Variants in PRKN observed in about 807,000 individuals in gnomAD.
The protein encoded by PRKN is parkin RBR E3 ubiquitin protein ligase.
A neutral mutation model predicts 59.5 loss-of-function variants in PRKN; 56 were observed. The ratio of observed to expected loss-of-function variants is 0.94; its 90% CI spans 0.76 to 1.18. PRKN has a LOEUF of 1.18. Among genes scored for constraint, PRKN ranks in the 50% most tolerant of loss-of-function variants. The probability of loss-of-function intolerance (pLI) is 0.00; values close to 1 mark genes in which losing one functional copy is unlikely to be tolerated. For synonymous variants in PRKN, 250 were observed against 222.1 expected (o/e 1.13, Z -1.12); for missense variants, 657 against 596.4 (o/e 1.10, Z -1.06).
Position 161,973,409 on chromosome 6 carries a change from G to A in PRKN, c.627C>T (p.Phe209=), listed in dbSNP as rs1378344686. 1.9e-6 allele frequency: 3 copies of A among 1,601,300 alleles called. No individual in the cohort carries two copies. In the South Asian group the frequency reaches 3.3e-5, roughly 18 times the overall value. The change falls in exon 6 of 12, where the codon TTC becomes TTT. Residue 209 remains phenylalanine, a synonymous_variant. Coordinates refer to ENST00000366898, the MANE Select transcript of PRKN (RefSeq NM_004562.3). Reference sequence around the variant, plus strand: ...AGGTGGGGTGTGCTCCACATTTAAAGAAAAATTCCTGAAAGAAAGATAAAT... The same window carrying A: ...AGGTGGGGTGTGCTCCACATTTAAAAAAAAATTCCTGAAAGAAAGATAAAT... ...PHCPGTSAEF[F]FKCGAHPTSD...
At chr6:162,531,057 CAAAAAA>C (rs1171548218) in intron 1 of PRKN, among the ~76,000 whole-genome samples, 2 of 79,902 alleles carry the variant, frequency 2.5e-5, no homozygotes, top group Non-Finnish European at 4.5e-5. Flanking sequence ...ACTCCATCTC[CAAAAAA>C]AAAAAAAAAA....
intron 7 of PRKN, among the ~76,000 whole-genome samples, chr6:161,655,713 C>T (rs1784320477): frequency 6.6e-6 from 1 of 152,168 alleles, no homozygotes; most frequent in Admixed American, 6.5e-5. Flanking sequence ...AATGATTACA[C>T]TGATTTTACT....
At chr6:162,235,511 A>T (rs1391124264) in intron 3 of PRKN, among the ~76,000 whole-genome samples, 2 of 152,200 alleles carry the variant, frequency 1.3e-5, no homozygotes, top group African/African-American at 2.4e-5. Flanking sequence ...TGAAAATTAA[A>T]GAAATACTCC....
At chr6:162,150,829 G>C (rs528685784) in intron 4 of PRKN, among the ~76,000 whole-genome samples, 39 of 152,168 alleles carry the variant, frequency 2.6e-4, no homozygotes, top group African/African-American at 8.9e-4. Context: ...TAAGGAAACT[G>C]TCCAGTGTTA....
Position 162,452,389 on chromosome 6 carries a change from T to C in PRKN, c.8-8916A>G, listed in dbSNP as rs551700852. On this transcript the variant is annotated intron_variant, in intron 1 of 11. Transcript: ENST00000366898. ...GCTTTATTCAACATAATTTATTTAATGCAGATGACTGGGTAAAGCAGAAAT... is the reference window on the plus strand; with the variant it reads ...GCTTTATTCAACATAATTTATTTAACGCAGATGACTGGGTAAAGCAGAAAT... Among the ~76,000 whole-genome samples, 20 of 150,808 alleles carry C rather than the reference T, an allele frequency of 1.3e-4. No homozygotes were observed. In the East Asian group the frequency reaches 3.4e-3, roughly 26 times the overall value.
At chr6:162,143,163 T>A (rs556007389) in intron 4 of PRKN, among the ~76,000 whole-genome samples, 1 of 152,362 alleles carries the variant, frequency 6.6e-6, no homozygotes, top group African/African-American at 2.4e-5. Context: ...TAATGAGATA[T>A]TTAAGGTGGT....
intron 1 of PRKN, among the ~76,000 whole-genome samples, chr6:162,443,760 C>T (rs1790176343): frequency 2.0e-5 from 3 of 152,112 alleles, no homozygotes; most frequent in African/African-American, 7.2e-5. Flanking sequence ...TTGAGCAGGA[C>T]ACTTGCTTGA....
At chr6:162,000,184 T>C (rs567424562) in intron 5 of PRKN, among the ~76,000 whole-genome samples, 1 of 152,242 alleles carries the variant, frequency 6.6e-6, no homozygotes, top group Non-Finnish European at 1.5e-5. Flanking sequence ...CTGGATCGTA[T>C]GGTAAGACTA....
At chr6:162,588,700 C>T (rs953909116) in intron 1 of PRKN, among the ~76,000 whole-genome samples, 18 of 152,070 alleles carry the variant, frequency 1.2e-4, no homozygotes, top group East Asian at 5.8e-4. Flanking sequence ...TACAGGCGCC[C>T]GCCACCACGC....
At chr6:162,204,795 C>T (rs1784866007) in intron 3 of PRKN, among the ~76,000 whole-genome samples, 1 of 151,630 alleles carries the variant, frequency 6.6e-6, no homozygotes, top group Non-Finnish European at 1.5e-5. Context: ...TCACCGTGGC[C>T]ATTCAGAGGT....
At chr6:162,646,948 A>G (rs1244503169) in intron 1 of PRKN, among the ~76,000 whole-genome samples, 5 of 152,214 alleles carry the variant, frequency 3.3e-5, no homozygotes, top group African/African-American at 1.2e-4. Context: ...ATTATGTGGC[A>G]CATGATTGTA....
At chr6:161,507,740 A>C (rs568893) in intron 9 of PRKN, among the ~76,000 whole-genome samples, 88,396 of 151,926 alleles carry the variant, frequency 0.58, 27,175 homozygotes, top group Middle Eastern at 0.72. Context: ...ATCCCATTTT[A>C]GGTGGTATTT....
At chr6:162,503,663 TCAA>T (rs958550178) in intron 1 of PRKN, among the ~76,000 whole-genome samples, 8 of 152,142 alleles carry the variant, frequency 5.3e-5, no homozygotes, top group African/African-American at 1.7e-4. Flanking sequence ...TAACCTTTGG[TCAA>T]CAGAGAAAAT....
rs34279714 is a variant in PRKN, at chr6:161,352,771, A to ATATT, written c.1286-2561_1286-2560insAATA. Among the ~76,000 whole-genome samples, 17 of 116,896 alleles carry ATATT rather than the reference A, an allele frequency of 1.5e-4. No individual in the cohort carries two copies. Among genetic ancestry groups the ATATT allele is most frequent in the South Asian group, 2.5e-4 (1 of 4,004 alleles). The allele number at this position is 116,896 out of a possible 152,430, so 76.7% of individuals were successfully genotyped here. A position where few individuals can be genotyped will look rare whatever the true frequency, so the allele number is the denominator to read the frequency against. On this transcript the variant is annotated intron_variant, in intron 11 of 11. Coordinates refer to ENST00000366898, the MANE Select transcript of PRKN (RefSeq NM_004562.3). This position sits in a 1 kb window ranked among gnomAD's most constrained non-coding sequence, Gnocchi z 5.8. ...TGTGTGTGTGTATATATATATATAT[A>ATATT]TTTTATTTTATTTTATTTTATTTTT...
chr6:162,111,969 AC>A (rs1780458367), intron 4 of PRKN, among the ~76,000 whole-genome samples: 2 of 152,214 alleles, frequency 1.3e-5, no homozygotes, highest in Admixed American at 6.5e-5. Context: ...AAAATGCGCT[AC>A]TGAAGTCATC....
chr6:162,397,972 C>T (rs1288211284), intron 2 of PRKN, among the ~76,000 whole-genome samples: 1 of 147,846 alleles, frequency 6.8e-6, no homozygotes, highest in African/African-American at 2.5e-5. Flanking sequence ...AGTACCTGGA[C>T]GTTGCAGTGA....
At chr6:162,655,964 A>G (rs1778626363) in intron 1 of PRKN, among the ~76,000 whole-genome samples, 3 of 152,182 alleles carry the variant, frequency 2.0e-5, no homozygotes, top group Admixed American at 2.0e-4. Context: ...CCAGGAATTC[A>G]CCTCATTTCA....
chr6:162,098,850 T>G (rs1388438646), intron 4 of PRKN, among the ~76,000 whole-genome samples: 1 of 152,136 alleles, frequency 6.6e-6, no homozygotes, highest in African/African-American at 2.4e-5. Context: ...GAGAATGGTG[T>G]TTCCCTATCA....
intron 4 of PRKN, among the ~76,000 whole-genome samples, chr6:162,157,099 T>TA (rs200809096): frequency 6.6e-5 from 10 of 151,610 alleles, no homozygotes; most frequent in Admixed American, 2.6e-4. Context: ...TCTGGTTAAT[T>TA]AAAAAAAAAC....
Sources: allele counts gnomAD v4.1 joint callset (sites outside exome capture counted in the v4.1 genomes callset), GRCh38; gene constraint gnomAD v4.1.1; non-coding constraint Gnocchi (gnomAD v3.1); transcripts MANE v1.5; gene names NCBI Gene and HGNC (gene_info 2026-07-23, HGNC 2026-07-21).